ADCY9: variants seen among roughly 807,000 people sequenced by gnomAD.
ADCY9 encodes adenylate cyclase 9, also known as adenylate cyclase type 9.
A neutral mutation model predicts 101.5 loss-of-function variants in ADCY9; 50 were observed. The ratio of observed to expected loss-of-function variants is 0.49; its 90% CI spans 0.39 to 0.62. ADCY9 has a LOEUF of 0.62. ADCY9 is among the 20% of genes least tolerant of loss of function. The probability of loss-of-function intolerance (pLI) is 0.00; values close to 1 mark genes in which losing one functional copy is unlikely to be tolerated. For missense variants in ADCY9, 1,662 were observed against 1,800.4 expected, an observed-to-expected ratio of 0.92 and a Z score of 1.39; for synonymous variants, 905 against 769.3, an observed-to-expected ratio of 1.18 and a Z score of -2.92.
At chr16:4,049,984 T>A (rs1387588841) in intron 2 of ADCY9, among the ~76,000 whole-genome samples, 1 of 147,466 alleles carries the variant, frequency 6.8e-6, no homozygotes, top group African/African-American at 2.5e-5. Context: ...TGAGCCGAGA[T>A]CACACCACTA....
chr16:4,070,351 A>G (rs1376234299), intron 2 of ADCY9, among the ~76,000 whole-genome samples: 1 of 152,232 alleles, frequency 6.6e-6, no homozygotes, highest in Non-Finnish European at 1.5e-5. Flanking sequence ...ACAAACACAC[A>G]TGTATTTCTT....
intron 2 of ADCY9, among the ~76,000 whole-genome samples, chr16:4,086,636 C>T (rs759822023): frequency 6.6e-6 from 1 of 151,904 alleles, no homozygotes; most frequent in Non-Finnish European, 1.5e-5. Context: ...ATAATTAGCT[C>T]AAAAAAATTG....
intron 6 of ADCY9, chr16:3,984,216 T>C (rs1357417777): frequency 1.3e-5 from 2 of 152,200 alleles, no homozygotes; most frequent in Non-Finnish European, 2.9e-5. Context: ...TGTAAGGCAG[T>C]TGGACGAGAG....
rs1597128310 is a variant in ADCY9, at chr16:3,962,721, A to G, written c.*3054T>C. ...CATTTTGAAATTATTAGAATTAACA[A>G]TTTAAAAAGAGCAGATAAAAGGATA... is the stretch of plus-strand genomic sequence containing the variant. On this transcript the variant is annotated 3_prime_UTR_variant, in exon 11 of 11. Coordinates refer to ENST00000294016, the MANE Select transcript of ADCY9 (RefSeq NM_001116.4). 6.6e-6 allele frequency: 1 copy of G among 152,278 alleles called. No individual in the cohort carries two copies. The highest frequency in any genetic ancestry group is 1.9e-4 in the East Asian group (1 of 5,200). The allele number at this position is 152,278 out of a possible 1,614,324, so 9.4% of individuals were successfully genotyped here. A position where few individuals can be genotyped will look rare whatever the true frequency, so the allele number is the denominator to read the frequency against.
intron 2 of ADCY9, among the ~76,000 whole-genome samples, chr16:4,107,787 C>A (rs918851198): frequency 6.6e-6 from 1 of 152,158 alleles, no homozygotes; most frequent in African/African-American, 2.4e-5. Flanking sequence ...GTTAATGGGG[C>A]GCCCAGATTT....
Position 3,992,486 on chromosome 16 carries a change from G to T in ADCY9, c.1990-123C>A. ...TGCTGCACTGGGCGTGGGACTTTCT[G>T]ACCTGCGAGGAACCCCCACCCCCCT... On this transcript the variant is annotated intron_variant, in intron 4 of 10. Transcript: ENST00000294016. The surrounding 1 kb of genome is among the most constrained non-coding windows in gnomAD (Gnocchi z 4.2). 2 of 841,558 alleles carry T rather than the reference G, an allele frequency of 2.4e-6. No individual in the cohort carries two copies. The highest frequency in any genetic ancestry group is 3.7e-6 in the Non-Finnish European group (2 of 546,878). The allele number at this position is 841,558 out of a possible 1,614,324, so 52.1% of individuals were successfully genotyped here.
chr16:4,113,683 T>C, intron 2 of ADCY9, 67 bp downstream of exon 2: 1 of 1,117,220 alleles, frequency 9.0e-7, no homozygotes, highest in Non-Finnish European at 1.2e-6. Context: ...GGCTGGAAGC[T>C]TTTTTTTTTA....
intron 3 of ADCY9, among the ~76,000 whole-genome samples, chr16:4,005,878 A>G (rs1033836624): frequency 6.6e-6 from 1 of 152,140 alleles, no homozygotes; most frequent in Non-Finnish European, 1.5e-5. Flanking sequence ...TTCTTCCCCA[A>G]ATAGCAAAAC....
chr16:4,018,898 T>G (rs1022262441), intron 2 of ADCY9, among the ~76,000 whole-genome samples: 1 of 151,058 alleles, frequency 6.6e-6, no homozygotes, highest in African/African-American at 2.4e-5. Context: ...TGAAATACTA[T>G]GGACTATGTA....
chr16:4,028,075 C>T (rs2056530055), intron 2 of ADCY9, among the ~76,000 whole-genome samples: 1 of 151,938 alleles, frequency 6.6e-6, no homozygotes, highest in South Asian at 2.1e-4. Flanking sequence ...AAAAGGTCAA[C>T]CCTTGGGAAA....
At position 4,051,212 on chromosome 16, in the gene ADCY9, C is replaced by CA. The variant is rs1008946143; in HGVS notation, c.1694-43655dup. On this transcript the variant is annotated intron_variant, in intron 2 of 10. Coordinates refer to ENST00000294016, the MANE Select transcript of ADCY9 (RefSeq NM_001116.4). ...GGGGCAACAGAGTGAGATTCCATCT[C>CA]AAAAAAAACAAAAACAAAAACGAAA... Among the ~76,000 whole-genome samples, 37 of 149,886 alleles carry CA rather than the reference C, an allele frequency of 2.5e-4. 1 individual carries two copies. In the East Asian group the frequency reaches 5.5e-3, roughly 22 times the overall value.
intron 2 of ADCY9, among the ~76,000 whole-genome samples, chr16:4,058,056 G>A (rs554115887): frequency 1.3e-5 from 2 of 152,008 alleles, no homozygotes; most frequent in East Asian, 1.9e-4. Flanking sequence ...CTACTTGGGA[G>A]GTCGAGGCAG....
chr16:4,062,719 G>A (rs2056780081), intron 2 of ADCY9, among the ~76,000 whole-genome samples: 1 of 151,954 alleles, frequency 6.6e-6, no homozygotes, highest in African/African-American at 2.4e-5. Context: ...CCCACAGACT[G>A]AATAAACTTT....
intron 7 of ADCY9, chr16:3,981,878 C>A (rs1473381863): frequency 6.6e-6 from 1 of 152,324 alleles, no homozygotes; most frequent in Non-Finnish European, 1.5e-5. Context: ...GCTGGGATTA[C>A]AGGCATGAGC....
intron 10 of ADCY9, among the ~76,000 whole-genome samples, chr16:3,968,080 T>C (rs1009780088): frequency 4.6e-5 from 7 of 152,198 alleles, no homozygotes; most frequent in South Asian, 4.1e-4. Flanking sequence ...AATAAGGATA[T>C]TTCCCTATGT....
chr16:4,005,351 C>G (rs2056360186), intron 3 of ADCY9, among the ~76,000 whole-genome samples: 1 of 152,186 alleles, frequency 6.6e-6, no homozygotes, highest in South Asian at 2.1e-4. Context: ...CTCAGCCTCC[C>G]AAGTAGCTGG....
chr16:4,019,721 G>T (rs946068785), intron 2 of ADCY9, among the ~76,000 whole-genome samples: 13 of 152,358 alleles, frequency 8.5e-5, no homozygotes, highest in African/African-American at 2.9e-4. Context: ...AGAAAGCCCA[G>T]GAAGGAGGGT....
intron 2 of ADCY9, among the ~76,000 whole-genome samples, chr16:4,102,548 C>T (rs1175570247): frequency 1.3e-5 from 2 of 152,186 alleles, no homozygotes; most frequent in Admixed American, 1.3e-4. Context: ...ACCTCAGCCG[C>T]CCGAGTAGCT....
At chr16:3,999,849 C>T (rs956247324) in intron 3 of ADCY9, among the ~76,000 whole-genome samples, 1 of 152,230 alleles carries the variant, frequency 6.6e-6, no homozygotes, top group African/African-American at 2.4e-5. Flanking sequence ...GTGCACCCTA[C>T]ATTCCGGTCA....
Sources: gnomAD v4.1 joint callset for allele counts (sites outside exome capture counted in the v4.1 genomes callset) on GRCh38, gnomAD v4.1.1 for gene constraint, Gnocchi (gnomAD v3.1) non-coding constraint, MANE v1.5 for transcripts, NCBI Gene and HGNC (gene_info 2026-07-23, HGNC 2026-07-21) for gene names.